ATP8A1: variants seen among roughly 807,000 people sequenced by gnomAD.
The protein encoded by ATP8A1 is phospholipid-transporting ATPase IA.
ATP8A1 carries 90 observed loss-of-function variants against 177.7 expected under a neutral mutation model. The observed-to-expected ratio is 0.51, with a 90% confidence interval of 0.43 to 0.60. The LOEUF is 0.60. Among genes scored for constraint, ATP8A1 ranks in the 20% least tolerant of loss-of-function variants. The pLI, the probability that ATP8A1 is intolerant of heterozygous loss-of-function variation, is 0.00. For synonymous variants in ATP8A1, 493 were observed against 485.9 expected (o/e 1.01, Z -0.19); for missense variants, 1,072 against 1,392.8 (o/e 0.77, Z 3.67).
intron 24 of ATP8A1, among the ~76,000 whole-genome samples, chr4:42,489,463 G>C (rs1399546623): frequency 6.6e-6 from 1 of 152,152 alleles, no homozygotes; most frequent in Non-Finnish European, 1.5e-5. Flanking sequence ...CAAATCAGAA[G>C]GTGTCAAGAG....
At chr4:42,628,359 C>T (rs907329972) in intron 1 of ATP8A1, among the ~76,000 whole-genome samples, 3 of 152,214 alleles carry the variant, frequency 2.0e-5, no homozygotes, top group African/African-American at 4.8e-5. Flanking sequence ...GTGTGAGAAA[C>T]GGTGTCATGT....
chr4:42,548,598 T>C (rs2153209438), intron 19 of ATP8A1, among the ~76,000 whole-genome samples: 1 of 152,346 alleles, frequency 6.6e-6, no homozygotes, highest in East Asian at 1.9e-4. Context: ...CAACACATTG[T>C]TGTTAACTAT....
chr4:42,646,649 C>G lies in ATP8A1; in HGVS notation c.49+10176G>C, dbSNP rs558353162. 2.0e-5 allele frequency among the ~76,000 whole-genome samples: 3 copies of G among 152,252 alleles called. No homozygotes were observed. The East Asian group carries it at 5.8e-4, about 29-fold the overall frequency. ...ATCTTGTACTCTAAACAGGTCTGGC[C>G]CACTAAAGTGGTGCTCTGGTCCAGA... On this transcript the variant is annotated intron_variant, in intron 1 of 36. Coordinates refer to ENST00000381668, the MANE Select transcript of ATP8A1 (RefSeq NM_006095.2).
At chr4:42,520,355 AT>A (rs997137629) in intron 22 of ATP8A1, among the ~76,000 whole-genome samples, 3,369 of 147,806 alleles carry the variant, frequency 0.023, 121 homozygotes, top group African/African-American at 0.077. Context: ...TCCAAACTGG[AT>A]TTTTTTTTTT....
chr4:42,525,159 A>G (rs1483585243), intron 20 of ATP8A1, among the ~76,000 whole-genome samples: 1 of 152,190 alleles, frequency 6.6e-6, no homozygotes, highest in Non-Finnish European at 1.5e-5. Context: ...GTTTTCCAGA[A>G]CACCTTCATA....
intron 1 of ATP8A1, among the ~76,000 whole-genome samples, chr4:42,645,887 C>CAT: frequency 6.6e-6 from 1 of 151,902 alleles, no homozygotes; most frequent in South Asian, 2.1e-4. Flanking sequence ...AAAACTTAGA[C>CAT]CCATCTCATT....
chr4:42,495,079 T>C (rs1051730316), intron 24 of ATP8A1, among the ~76,000 whole-genome samples: 2 of 152,250 alleles, frequency 1.3e-5, no homozygotes, highest in Non-Finnish European at 2.9e-5. Flanking sequence ...ACACATATTT[T>C]ATTAGCTGTT....
At position 42,485,517 on chromosome 4, in the gene ATP8A1, C is replaced by A. The variant is rs762450673; in HGVS notation, c.2303G>T (p.Cys768Phe). ...TTACCGACAGCAAATGACAGCTTTG[C>A]ATGACAAAGCTAAGTCCAGGAAATA... ...RQYFLDLALS[C>F]KAVICCRVSP... Residue 768 changes from cysteine to phenylalanine, a missense_variant, in exon 25 of 37, where the codon TGC becomes TTC. By Grantham distance (205) the Cys-to-Phe change is radical. Coordinates refer to ENST00000381668, the MANE Select transcript of ATP8A1 (RefSeq NM_006095.2). 2 of 1,611,454 alleles carry A rather than the reference C, an allele frequency of 1.2e-6. No individual in the cohort carries two copies. Among genetic ancestry groups the A allele is most frequent in the Non-Finnish European group, 1.7e-6 (2 of 1,179,030 alleles).
At chr4:42,564,373 A>C (rs1445159422) in intron 15 of ATP8A1, among the ~76,000 whole-genome samples, 2 of 152,104 alleles carry the variant, frequency 1.3e-5, no homozygotes, top group Non-Finnish European at 2.9e-5. Flanking sequence ...AGCCGCAGAC[A>C]CTCAATGACA....
At chr4:42,512,644 G>C (rs904893731) in intron 22 of ATP8A1, among the ~76,000 whole-genome samples, 1 of 152,300 alleles carries the variant, frequency 6.6e-6, no homozygotes, top group South Asian at 2.1e-4. Flanking sequence ...AACCCTGACT[G>C]CCTGGTTGTC....
intron 18 of ATP8A1, among the ~76,000 whole-genome samples, chr4:42,550,198 T>C (rs1729359179): frequency 1.0e-4 from 1 of 9,594 alleles, no homozygotes; most frequent in Non-Finnish European, 2.8e-4. Flanking sequence ...GTGTCTGGCT[T>C]TTTTTTTTTT....
intron 35 of ATP8A1, among the ~76,000 whole-genome samples, chr4:42,419,959 T>C (rs1036824659): frequency 1.3e-5 from 2 of 151,824 alleles, no homozygotes; most frequent in Non-Finnish European, 2.9e-5. Context: ...GCCGAGATTG[T>C]GCCATTGCAC....
At position 42,522,053 on chromosome 4, in the gene ATP8A1, A is replaced by C. The variant is rs578149629; in HGVS notation, c.1947+107T>G. 4.0e-6 allele frequency: 5 copies of C among 1,263,498 alleles called. No homozygotes were observed. The South Asian group carries it at 7.5e-5, about 19-fold the overall frequency. 78.3% of individuals were successfully genotyped at this position (1,263,498 alleles called of 1,614,324 possible). On this transcript the variant is annotated intron_variant, in intron 22 of 36. Coordinates refer to ENST00000381668, the MANE Select transcript of ATP8A1 (RefSeq NM_006095.2). ...ATGATGAGAGGGTATTCAATAGTGAATGGTATGTCAAGATATTTTGATTTT... is the reference window on the plus strand; with the variant it reads ...ATGATGAGAGGGTATTCAATAGTGACTGGTATGTCAAGATATTTTGATTTT...
rs1732856918 is a variant in ATP8A1 at position 42,579,916 on chromosome 4, C to A, written c.897G>T (p.Leu299Phe). The A allele has an allele frequency of 3.1e-6, 5 of 1,612,988 alleles. No homozygotes were observed. The highest frequency in any genetic ancestry group is 1.1e-5 in the South Asian group (1 of 90,934). ...TGGCAATTAAGATACAAAATAAAAT[C>A]AAAATTTGTACATTTGTAATCCGTT... ...NVERITNVQILILFCILIAMS... is the reference protein window; with the variant it reads ...NVERITNVQIFILFCILIAMS... The change falls in exon 11 of 37, where the codon TTG becomes TTT. Residue 299 changes from leucine (L) to phenylalanine (F), a missense_variant. Leu to Phe is a conservative substitution (Grantham distance 22). Around this residue, in one of 5 missense-constraint regions of ATP8A1, gnomAD observed 344 missense variants for 393.5 expected, o/e 0.87. Coordinates refer to ENST00000381668, the MANE Select transcript of ATP8A1 (RefSeq NM_006095.2).
intron 25 of ATP8A1, among the ~76,000 whole-genome samples, chr4:42,479,972 G>T (rs532745358): frequency 6.9e-6 from 1 of 143,930 alleles, no homozygotes; most frequent in Non-Finnish European, 1.5e-5. Context: ...TACCTCATTA[G>T]AATTATGTAA....
chr4:42,572,995 T>C (rs1476109521), intron 14 of ATP8A1, among the ~76,000 whole-genome samples: 1 of 152,172 alleles, frequency 6.6e-6, no homozygotes, highest in Non-Finnish European at 1.5e-5. Context: ...CCTATAACAG[T>C]TGTTAATGAT....
Position 42,581,705 on chromosome 4 carries a change from A to G in ATP8A1, c.750T>C (p.Ile250=). The change falls in exon 10 of 37, where the codon ATT becomes ATC. Residue 250 remains isoleucine (I), a synonymous_variant. Coordinates refer to ENST00000381668, the MANE Select transcript of ATP8A1 (RefSeq NM_006095.2). The part of the protein sequence containing the change: ...HGTVPLGADQ[I]LLRGAQLRNT... The stretch of plus-strand genomic sequence containing the variant: ...TTCTCAACTGAGCTCCTCGAAGAAG[A>G]ATCTGATCTGCTCCCAGTGGAACGG... 1 of 1,614,146 alleles carries G rather than the reference A, an allele frequency of 6.2e-7. No individual in the cohort carries two copies. The highest frequency in any genetic ancestry group is 8.5e-7 in the Non-Finnish European group (1 of 1,179,960).
chr4:42,451,426 G>A (rs1454190447), intron 30 of ATP8A1, among the ~76,000 whole-genome samples: 2 of 152,158 alleles, frequency 1.3e-5, no homozygotes, highest in African/African-American at 4.8e-5. Flanking sequence ...TTCTAAAGTA[G>A]CTATTTAATG....
At chr4:42,440,335 GTTTT>G (rs35291607) in intron 33 of ATP8A1, among the ~76,000 whole-genome samples, 3,590 of 135,448 alleles carry the variant, frequency 0.027, 139 homozygotes, top group African/African-American at 0.09. Context: ...AGCTCCTCCA[GTTTT>G]TTTTTTTTTT....
Sources: allele counts gnomAD v4.1 joint callset (sites outside exome capture counted in the v4.1 genomes callset), GRCh38; gene constraint gnomAD v4.1.1; regional missense constraint gnomAD v4.1.1; transcripts MANE v1.5; gene names NCBI Gene and HGNC (gene_info 2026-07-23, HGNC 2026-07-21).